Variants in YWHAQ observed in about 807,000 individuals in gnomAD.
YWHAQ encodes the protein 14-3-3 protein theta.
A neutral mutation model predicts 28.3 loss-of-function variants in YWHAQ; 6 were observed. That is an observed-to-expected ratio of 0.21 (90% confidence interval 0.12 to 0.42). The LOEUF (loss-of-function observed/expected upper bound fraction) is 0.42, where lower values mean the gene tolerates loss of function less well. YWHAQ is among the 10% of genes least tolerant of loss of function. YWHAQ has a pLI of 1.00. For missense variants in YWHAQ, 201 were observed against 305.6 expected, an observed-to-expected ratio of 0.66 and a Z score of 2.55; for synonymous variants, 143 against 119.1, an observed-to-expected ratio of 1.20 and a Z score of -1.31.
chr2:9,588,109 C>G, intron 4 of YWHAQ, 56 bp downstream of exon 4: 1 of 1,473,826 alleles, frequency 6.8e-7, no homozygotes, highest in Non-Finnish European at 9.0e-7. Context: ...AATTAACATA[C>G]CTGGTATCTC....
intron 2 of YWHAQ, among the ~76,000 whole-genome samples, chr2:9,623,488 C>G (rs1350227109): frequency 1.3e-5 from 2 of 152,314 alleles, no homozygotes; most frequent in South Asian, 4.1e-4. Context: ...AAAGTCTGAA[C>G]CACGGCCGGG....
At chr2:9,620,045 C>T (rs1167988167) in intron 2 of YWHAQ, among the ~76,000 whole-genome samples, 1 of 152,182 alleles carries the variant, frequency 6.6e-6, no homozygotes, top group Non-Finnish European at 1.5e-5. Flanking sequence ...ATCCATATAG[C>T]TTATGGCTTT....
chr2:9,617,704 C>A (rs918831837), intron 2 of YWHAQ, among the ~76,000 whole-genome samples: 1 of 151,998 alleles, frequency 6.6e-6, no homozygotes, highest in Non-Finnish European at 1.5e-5. Flanking sequence ...TCTGGGAGGC[C>A]ATGCAGGAGG....
intron 2 of YWHAQ, among the ~76,000 whole-genome samples, chr2:9,616,063 G>A (rs932510263): frequency 6.6e-6 from 1 of 152,194 alleles, no homozygotes; most frequent in African/African-American, 2.4e-5. Context: ...CAGAAAGGGA[G>A]AGGGAATACA....
chr2:9,608,483 T>C (rs1470416076), intron 2 of YWHAQ, among the ~76,000 whole-genome samples: 2 of 152,212 alleles, frequency 1.3e-5, no homozygotes, highest in Admixed American at 6.5e-5. Flanking sequence ...GTGCAGGTGC[T>C]AGTCAAACGT....
chr2:9,594,092 T>C (rs1666520733), intron 2 of YWHAQ, among the ~76,000 whole-genome samples: 1 of 151,778 alleles, frequency 6.6e-6, no homozygotes, highest in Non-Finnish European at 1.5e-5. Context: ...GTGGCTCAAG[T>C]TGGAAAGTTG....
chr2:9,608,760 C>T (rs979247617), intron 2 of YWHAQ, among the ~76,000 whole-genome samples: 2 of 152,174 alleles, frequency 1.3e-5, no homozygotes, highest in Admixed American at 1.3e-4. Flanking sequence ...ACCAGCCTGG[C>T]CAACATGGCG....
At chr2:9,597,634 CAAAAAA>C (rs562319001) in intron 2 of YWHAQ, among the ~76,000 whole-genome samples, 1 of 75,318 alleles carries the variant, frequency 1.3e-5, no homozygotes, top group South Asian at 5.2e-4. Flanking sequence ...AACTCCGTCT[CAAAAAA>C]AAAAAAAAAA....
At chr2:9,628,951 A>G (rs965177205) in intron 2 of YWHAQ, 1 of 151,874 alleles carries the variant, frequency 6.6e-6, no homozygotes, top group African/African-American at 2.4e-5. Context: ...TCATCGTATT[A>G]GAAAAATAGA....
intron 4 of YWHAQ, 145 bp from the exon 5 acceptor site, chr2:9,587,654 C>T: frequency 1.6e-6 from 1 of 634,938 alleles, no homozygotes; most frequent in Non-Finnish European, 2.6e-6. Flanking sequence ...CTCTCACACT[C>T]CCAGTTTAAG....
intron 2 of YWHAQ, among the ~76,000 whole-genome samples, chr2:9,610,490 T>C (rs1666921573): frequency 6.6e-6 from 1 of 152,184 alleles, no homozygotes; most frequent in Admixed American, 6.5e-5. Context: ...AACATCTGGA[T>C]GGACCACTGG....
At chr2:9,626,647 T>C (rs573815196) in intron 2 of YWHAQ, among the ~76,000 whole-genome samples, 9 of 152,300 alleles carry the variant, frequency 5.9e-5, no homozygotes, top group Non-Finnish European at 1.0e-4. Context: ...GCCAGGCTAG[T>C]CTCCAACTCC....
intron 5 of YWHAQ, 22 bp from the exon 6 acceptor site, chr2:9,585,367 TAA>T (rs1190734947): frequency 3.7e-6 from 6 of 1,613,366 alleles, no homozygotes; most frequent in Non-Finnish European, 5.1e-6. Context: ...AGAATCATAT[TAA>T]GTTACTATTT....
chr2:9,585,428 A>G, intron 5 of YWHAQ, 83 bp from the exon 6 acceptor site: 1 of 1,461,836 alleles, frequency 6.8e-7, no homozygotes, highest in East Asian at 2.3e-5. Flanking sequence ...AAAATTAACT[A>G]CAAGAGTAGT....
chr2:9,613,558 A>C (rs987471658), intron 2 of YWHAQ, among the ~76,000 whole-genome samples: 2 of 152,328 alleles, frequency 1.3e-5, no homozygotes, highest in African/African-American at 4.8e-5. Flanking sequence ...AGAGAAAGGG[A>C]AGCAGCAGAT....
At chr2:9,620,761 C>G (rs750807595) in intron 2 of YWHAQ, 2 of 152,136 alleles carry the variant, frequency 1.3e-5, no homozygotes, top group Non-Finnish European at 2.9e-5. Flanking sequence ...AACCTATATT[C>G]CTAGGGATAA....
chr2:9,600,346 G>C (rs1302422227), intron 2 of YWHAQ, among the ~76,000 whole-genome samples: 1 of 152,196 alleles, frequency 6.6e-6, no homozygotes, highest in African/African-American at 2.4e-5. Flanking sequence ...TGAGAGGATT[G>C]CCTCTGATTT....
chr2:9,614,126 A>G (rs990473691), intron 2 of YWHAQ, among the ~76,000 whole-genome samples: 7 of 152,206 alleles, frequency 4.6e-5, no homozygotes, highest in Non-Finnish European at 5.9e-5. Flanking sequence ...AGTGGCCATA[A>G]CCGCAATATA....
chr2:9,625,261 C>CAA (rs74914593), intron 2 of YWHAQ, among the ~76,000 whole-genome samples: 9 of 101,084 alleles, frequency 8.9e-5, no homozygotes, highest in South Asian at 3.1e-4. Context: ...GACTCCATCA[C>CAA]AAAAAAAAAA....
Sources: allele counts gnomAD v4.1 joint callset (sites outside exome capture counted in the v4.1 genomes callset), GRCh38; gene constraint gnomAD v4.1.1; transcripts MANE v1.5; gene names NCBI Gene and HGNC (gene_info 2026-07-23, HGNC 2026-07-21).